The following DDX19A variants were observed in gnomAD, a reference collection of about 807,000 sequenced individuals.
DDX19A encodes the protein DEAD-box helicase 19A.
Under a neutral mutation model 60.6 loss-of-function variants are expected in DDX19A, and 12 were observed. That is an observed-to-expected ratio of 0.20 (90% confidence interval 0.13 to 0.32). The LOEUF (loss-of-function observed/expected upper bound fraction) is 0.32, where lower values mean the gene tolerates loss of function less well. Among genes scored for constraint, DDX19A ranks in the 10% least tolerant of loss-of-function variants. The pLI, the probability that DDX19A is intolerant of heterozygous loss-of-function variation, is 1.00. For synonymous variants in DDX19A, 206 were observed against 218.2 expected (o/e 0.94, Z 0.49); for missense variants, 337 against 600.6 (o/e 0.56, Z 4.59).
chr16:70,348,031 A>G (rs1469390611), intron 1 of DDX19A: 1 of 439,648 alleles, frequency 2.3e-6, no homozygotes, highest in African/African-American at 2.1e-5. Flanking sequence ...GAATTAGACA[A>G]GGCTGGCAAG....
chr16:70,348,647 AAAG>A (rs921088376), intron 1 of DDX19A, among the ~76,000 whole-genome samples: 4 of 37,918 alleles, frequency 1.1e-4, no homozygotes, highest in Admixed American at 4.9e-4. Context: ...AAAAAAAAAA[AAAG>A]AGGTGAAGGC....
intron 2 of DDX19A, among the ~76,000 whole-genome samples, chr16:70,355,055 A>T (rs976900757): frequency 2.6e-5 from 4 of 152,232 alleles, no homozygotes; most frequent in Middle Eastern, 3.4e-3. Flanking sequence ...AGAAATGCCA[A>T]CTATTTATAT....
At chr16:70,355,887 A>G in intron 3 of DDX19A, 1 of 621,976 alleles carries the variant, frequency 1.6e-6, no homozygotes, top group Non-Finnish European at 2.7e-6. Context: ...GCCAGAGCCC[A>G]GGAATTCTAG....
intron 2 of DDX19A, among the ~76,000 whole-genome samples, chr16:70,354,602 A>C (rs1209711935): frequency 3.3e-5 from 5 of 152,202 alleles, no homozygotes. Context: ...GGCTAGTAAG[A>C]GGTAACATAT....
chr16:70,353,352 C>G (rs1356872111), intron 2 of DDX19A, among the ~76,000 whole-genome samples: 2 of 151,748 alleles, frequency 1.3e-5, no homozygotes, highest in Non-Finnish European at 2.9e-5. Context: ...TGAGCTCAGG[C>G]AATCCGCTCG....
At chr16:70,358,782 G>C (rs1354705972) in intron 4 of DDX19A, among the ~76,000 whole-genome samples, 1 of 152,154 alleles carries the variant, frequency 6.6e-6, no homozygotes, top group Non-Finnish European at 1.5e-5. Flanking sequence ...AGGAGGCGGA[G>C]GTTGCAGTGA....
intron 6 of DDX19A, 132 bp from the exon 7 acceptor site, chr16:70,364,885 G>A (rs1964470591): frequency 2.6e-6 from 2 of 755,344 alleles, no homozygotes; most frequent in East Asian, 5.2e-5. Context: ...GTCTATGGCT[G>A]AAAGGTGGGC....
At chr16:70,370,420 G>A (rs944386652) in intron 10 of DDX19A, 35 bp downstream of exon 10, 2 of 1,596,152 alleles carry the variant, frequency 1.3e-6, no homozygotes, top group East Asian at 4.5e-5. Flanking sequence ...GGTCTGCCAG[G>A]CTCGGGGTCC....
At chr16:70,361,855 G>T (rs1964371593) in intron 5 of DDX19A, among the ~76,000 whole-genome samples, 1 of 151,950 alleles carries the variant, frequency 6.6e-6, no homozygotes, top group Admixed American at 6.6e-5. Context: ...TGGCCAACAT[G>T]GCAAAACCCT....
intron 3 of DDX19A, 151 bp from the exon 4 acceptor site, chr16:70,355,961 A>AAAAT: frequency 2.0e-6 from 2 of 994,848 alleles, no homozygotes; most frequent in Non-Finnish European, 2.9e-6. Flanking sequence ...CCCCATCTCT[A>AAAAT]AAATAAATAA....
intron 2 of DDX19A, among the ~76,000 whole-genome samples, chr16:70,354,378 C>T (rs1964121568): frequency 1.3e-5 from 2 of 152,132 alleles, no homozygotes; most frequent in South Asian, 4.1e-4. Flanking sequence ...AACTCCCGAC[C>T]TCAGGTGATC....
intron 5 of DDX19A, chr16:70,363,741 T>C (rs2151640352): frequency 6.6e-6 from 1 of 151,656 alleles, no homozygotes; most frequent in African/African-American, 2.4e-5. Context: ...TATTTATTTA[T>C]TTATTTATTT....
intron 1 of DDX19A, 81 bp downstream of exon 1, chr16:70,347,129 T>A: frequency 7.1e-7 from 1 of 1,409,390 alleles, no homozygotes. Context: ...GCTCCCCGGG[T>A]TGGGGAGGCC....
At chr16:70,347,214 A>C (rs74026010) in intron 1 of DDX19A, 166 bp downstream of exon 1, 1 of 660,644 alleles carries the variant, frequency 1.5e-6, no homozygotes, top group Non-Finnish European at 2.6e-6. Context: ...AAAGAGACCA[A>C]TGTCGAGCTT....
At chr16:70,361,632 C>A in intron 5 of DDX19A, 122 bp downstream of exon 5, 1 of 687,620 alleles carries the variant, frequency 1.5e-6, no homozygotes, top group Non-Finnish European at 2.5e-6. Context: ...AGGAATACAG[C>A]TTAGGCAAGT....
chr16:70,369,173 G>GTTTT (rs560443179), intron 9 of DDX19A, among the ~76,000 whole-genome samples: 15 of 96,332 alleles, frequency 1.6e-4, no homozygotes, highest in Non-Finnish European at 2.4e-4. Context: ...GGCCAATCTG[G>GTTTT]TTTTTTTTTT....
At position 70,350,624 on chromosome 16, in the gene DDX19A, C is replaced by T. The variant is rs762331510; in HGVS notation, c.106+19C>T. On this transcript the variant is annotated intron_variant, in intron 2 of 11. Transcript: ENST00000302243. Reference sequence around the variant, plus strand: ...ACCAATGGTGAGTCACTAGTAACTACAAGCTAGAAAAGAGTTCCATGTGGG... The same window carrying T: ...ACCAATGGTGAGTCACTAGTAACTATAAGCTAGAAAAGAGTTCCATGTGGG... 9 of 1,600,754 alleles carry T rather than the reference C, an allele frequency of 5.6e-6. No individual in the cohort carries two copies. Among genetic ancestry groups the T allele is most frequent in the Admixed American group, 3.4e-5 (2 of 58,558 alleles).
At chr16:70,357,366 GTTTTTTTTTTTTTTTTTTT>G (rs71151183) in intron 4 of DDX19A, among the ~76,000 whole-genome samples, 8 of 44,598 alleles carry the variant, frequency 1.8e-4, no homozygotes, top group African/African-American at 5.3e-4. Context: ...TTTTTGGTTT[GTTTTTTTTTTTTTTTTTTT>G]TTTTTTTTTT....
intron 4 of DDX19A, among the ~76,000 whole-genome samples, chr16:70,358,235 T>G (rs2151635631): frequency 6.6e-6 from 1 of 152,236 alleles, no homozygotes; most frequent in Middle Eastern, 3.4e-3. Flanking sequence ...TTCATCATGT[T>G]GGCCAGGCTG....
Sources: allele counts gnomAD v4.1 joint callset (sites outside exome capture counted in the v4.1 genomes callset), GRCh38; gene constraint gnomAD v4.1.1; transcripts MANE v1.5; gene names NCBI Gene and HGNC (gene_info 2026-07-23, HGNC 2026-07-21).